Variants in GABRB1 observed in about 807,000 individuals in gnomAD.
The protein encoded by GABRB1 is gamma-aminobutyric acid type A receptor subunit beta1.
Under a neutral mutation model 51.6 loss-of-function variants are expected in GABRB1, and 17 were observed. That is an observed-to-expected ratio of 0.33 (90% CI 0.23 to 0.49). The LOEUF is 0.49. Ranked by LOEUF, GABRB1 falls within the 20% of genes least tolerant of loss-of-function variation. GABRB1 has a pLI of 0.99. For missense variants in GABRB1, 410 were observed against 600.6 expected (o/e 0.68, Z 3.32); for synonymous variants, 247 against 218.9 (o/e 1.13, Z -1.14).
intron 1 of GABRB1, among the ~76,000 whole-genome samples, chr4:47,000,113 G>T (rs549488298): frequency 2.0e-5 from 3 of 152,224 alleles, no homozygotes; most frequent in East Asian, 3.9e-4. Context: ...TTGGCTTCTA[G>T]TGCATCAGGG....
intron 8 of GABRB1, 112 bp from the exon 9 acceptor site, chr4:47,425,562 T>C: frequency 1.3e-6 from 1 of 788,528 alleles, no homozygotes; most frequent in South Asian, 1.8e-5. Context: ...TCAAGCCAGA[T>C]GTTTAGGAAC....
At chr4:47,368,055 G>A (rs993907934) in intron 5 of GABRB1, among the ~76,000 whole-genome samples, 5 of 152,166 alleles carry the variant, frequency 3.3e-5, no homozygotes, top group African/African-American at 1.2e-4. Context: ...ATGGTTATAG[G>A]CAGCAGAAAG....
intron 4 of GABRB1, among the ~76,000 whole-genome samples, chr4:47,264,738 A>T (rs1578047314): frequency 1.3e-5 from 2 of 152,344 alleles, no homozygotes; most frequent in East Asian, 3.9e-4. Context: ...ACCTGGGGGA[A>T]TTACCAACAC....
chr4:47,170,791 T>C (rs1444302167), intron 4 of GABRB1, among the ~76,000 whole-genome samples: 1 of 152,126 alleles, frequency 6.6e-6, no homozygotes, highest in East Asian at 1.9e-4. Context: ...ACTCAGTTTA[T>C]TAGAAAGAAT....
At chr4:47,374,503 T>C (rs1222528217) in intron 5 of GABRB1, among the ~76,000 whole-genome samples, 1 of 152,238 alleles carries the variant, frequency 6.6e-6, no homozygotes, top group African/African-American at 2.4e-5. Flanking sequence ...AATTATTTGT[T>C]TAGGAGACCT....
intron 4 of GABRB1, among the ~76,000 whole-genome samples, chr4:47,180,906 T>TA (rs950857986): frequency 1.3e-5 from 2 of 152,032 alleles, no homozygotes; most frequent in Non-Finnish European, 2.9e-5. Context: ...TTAACACTAA[T>TA]AAAAAATGCA....
intron 3 of GABRB1, among the ~76,000 whole-genome samples, chr4:47,135,808 A>G: frequency 6.6e-6 from 1 of 152,184 alleles, no homozygotes; most frequent in South Asian, 2.1e-4. Flanking sequence ...GACTTAAAAA[A>G]AAACTAAGTA....
intron 4 of GABRB1, among the ~76,000 whole-genome samples, chr4:47,314,989 CA>C (rs1418773959): frequency 6.6e-6 from 1 of 151,894 alleles, no homozygotes; most frequent in Non-Finnish European, 1.5e-5. Flanking sequence ...ATGAAGACAG[CA>C]AAAGCAATTG....
At chr4:47,356,966 G>T (rs1436046874) in intron 5 of GABRB1, among the ~76,000 whole-genome samples, 3 of 152,228 alleles carry the variant, frequency 2.0e-5, no homozygotes, top group Non-Finnish European at 4.4e-5. Context: ...GTCATTTAAT[G>T]CTATTTGCTT....
chr4:47,147,776 T>C (rs1014691541), intron 3 of GABRB1, among the ~76,000 whole-genome samples: 3 of 152,012 alleles, frequency 2.0e-5, no homozygotes, highest in Admixed American at 1.3e-4. Flanking sequence ...AAGAAGATTT[T>C]ATAGCAAGAC....
At chr4:47,116,619 A>G (rs984365493) in intron 3 of GABRB1, among the ~76,000 whole-genome samples, 6 of 152,204 alleles carry the variant, frequency 3.9e-5, no homozygotes, top group African/African-American at 1.4e-4. Context: ...GTATACATTT[A>G]CTAATTTTTT....
chr4:47,042,665 G>A (rs1004335058), intron 3 of GABRB1, among the ~76,000 whole-genome samples: 3 of 151,220 alleles, frequency 2.0e-5, no homozygotes, highest in Admixed American at 1.3e-4. Context: ...AAAAATAAAA[G>A]GTAGCATATG....
chr4:47,044,711 T>C (rs1367389020), intron 3 of GABRB1, among the ~76,000 whole-genome samples: 1 of 152,050 alleles, frequency 6.6e-6, no homozygotes, highest in African/African-American at 2.4e-5. Context: ...ACACCAGGGG[T>C]AACATTAACT....
intron 5 of GABRB1, among the ~76,000 whole-genome samples, chr4:47,325,034 C>T (rs1187405243): frequency 2.0e-5 from 3 of 152,166 alleles, no homozygotes; most frequent in South Asian, 2.1e-4. Context: ...ATTGTAGCTG[C>T]CTTTTACAGT....
upstream of GABRB1, among the ~76,000 whole-genome samples, chr4:47,030,907 T>C (rs187805133): frequency 1.3e-5 from 2 of 152,028 alleles, no homozygotes; most frequent in African/African-American, 4.8e-5. Context: ...ATCCTTTGTT[T>C]CCCTCATTTC....
intron 4 of GABRB1, among the ~76,000 whole-genome samples, chr4:47,246,433 G>T (rs1047398551): frequency 9.0e-6 from 1 of 111,118 alleles, no homozygotes; most frequent in Non-Finnish European, 1.9e-5. Flanking sequence ...GTTGATTGAT[G>T]GGAATTTGGG....
At chr4:47,279,130 GGATA>G (rs1239602992) in intron 4 of GABRB1, among the ~76,000 whole-genome samples, 4 of 140,756 alleles carry the variant, frequency 2.8e-5, no homozygotes, top group African/African-American at 5.2e-5. Flanking sequence ...ATGGATGGAT[GGATA>G]GATGGATGGA....
At chr4:47,103,963 A>G (rs1033778155) in intron 3 of GABRB1, among the ~76,000 whole-genome samples, 2 of 151,776 alleles carry the variant, frequency 1.3e-5, no homozygotes, top group South Asian at 2.1e-4. Context: ...AATAAATTTC[A>G]TATTTTCTTT....
chr4:47,035,464 A>C (rs967987994), intron 3 of GABRB1, among the ~76,000 whole-genome samples: 4 of 151,776 alleles, frequency 2.6e-5, no homozygotes, highest in African/African-American at 9.7e-5. Context: ...AGGCAATAAT[A>C]TTATTGATTA....
Sources: allele counts gnomAD v4.1 joint callset (sites outside exome capture counted in the v4.1 genomes callset), GRCh38; gene constraint gnomAD v4.1.1; transcripts MANE v1.5; gene names NCBI Gene and HGNC (gene_info 2026-07-23, HGNC 2026-07-21).